NAV2: variants seen among roughly 807,000 people sequenced by gnomAD.
The protein encoded by NAV2 is helicase, APC down-regulated 1.
In NAV2, 54 loss-of-function variants were observed where a neutral mutation model predicts 223.2. The ratio of observed to expected loss-of-function variants is 0.24; its 90% CI spans 0.19 to 0.30. NAV2 has a LOEUF of 0.30. NAV2 is among the 10% of genes least tolerant of loss of function. The pLI is 1.00. For missense variants in NAV2, 2,806 were observed against 3,147.5 expected (o/e 0.89, Z 2.60); for synonymous variants, 1,279 against 1,239.3 (o/e 1.03, Z -0.67).
intron 1 of NAV2, 87 bp from the exon 2 acceptor site, chr11:19,832,397 G>T: frequency 1.1e-6 from 1 of 945,456 alleles, no homozygotes; most frequent in Non-Finnish European, 1.7e-6. Flanking sequence ...TGGGACAGTG[G>T]CCACTGTGCC....
At chr11:19,614,392 C>G (rs1393299995) in intron 1 of NAV2, among the ~76,000 whole-genome samples, 1 of 152,100 alleles carries the variant, frequency 6.6e-6, no homozygotes, top group Admixed American at 6.6e-5. Context: ...CACCCTTTCT[C>G]CCTTTCTCTC....
intron 6 of NAV2, among the ~76,000 whole-genome samples, chr11:19,909,130 C>T (rs1167395514): frequency 6.6e-6 from 1 of 152,160 alleles, no homozygotes; most frequent in African/African-American, 2.4e-5. Flanking sequence ...TAAATGTCTC[C>T]CCTTTCTTGG....
intron 20 of NAV2, among the ~76,000 whole-genome samples, chr11:20,064,678 T>C (rs890652764): frequency 1.3e-5 from 2 of 152,222 alleles, no homozygotes; most frequent in Admixed American, 1.3e-4. Flanking sequence ...GCTGTTGTTC[T>C]GGGTATGGGG....
intron 8 of NAV2, among the ~76,000 whole-genome samples, chr11:19,944,605 T>C (rs919781812): frequency 4.6e-5 from 7 of 151,076 alleles, no homozygotes; most frequent in African/African-American, 1.2e-4. Context: ...TCCTTTCCTT[T>C]CTTTCTTCTT....
intron 1 of NAV2, among the ~76,000 whole-genome samples, chr11:19,775,667 G>A (rs758235753): frequency 1.4e-4 from 22 of 152,186 alleles, no homozygotes; most frequent in Non-Finnish European, 2.4e-4. Context: ...AACAGTAATG[G>A]AGTGGAAGAG....
At chr11:20,018,708 G>A (rs1475568170) in intron 11 of NAV2, among the ~76,000 whole-genome samples, 2 of 152,186 alleles carry the variant, frequency 1.3e-5, no homozygotes. Context: ...CAGTACACCT[G>A]TGCTCGAGGA....
upstream of NAV2, among the ~76,000 whole-genome samples, chr11:19,707,928 A>G (rs951496243): frequency 6.6e-6 from 1 of 152,214 alleles, no homozygotes; most frequent in Non-Finnish European, 1.5e-5. Flanking sequence ...CCAAAACATC[A>G]TTATGCAGTG....
intron 1 of NAV2, among the ~76,000 whole-genome samples, chr11:19,762,198 G>C (rs975308116): frequency 2.6e-5 from 4 of 152,156 alleles, no homozygotes; most frequent in Admixed American, 2.6e-4. Context: ...AGCTGAGATT[G>C]CACCACTGCA....
At position 20,091,305 on chromosome 11, in the gene NAV2, C is replaced by T. The variant is rs147166734; in HGVS notation, c.5652+287C>T. On this transcript the variant is annotated intron_variant, in intron 27 of 37. Coordinates refer to ENST00000349880, the MANE Select transcript of NAV2 (RefSeq NM_145117.5). ...TGGCCTTCAAGGCCTTCTGCAGGGT[C>T]GTTTCCACTGTTAATCCACACCACC... Among the ~76,000 whole-genome samples, 496 of 152,268 alleles carry T rather than the reference C, an allele frequency of 3.3e-3. 6 individuals are homozygous for T. Among genetic ancestry groups the T allele is most frequent in the African/African-American group, 0.011 (472 of 41,548 alleles).
chr11:19,437,314 A>G (rs887341069), intron 1 of NAV2, among the ~76,000 whole-genome samples: 7 of 152,132 alleles, frequency 4.6e-5, no homozygotes, highest in African/African-American at 1.4e-4. Flanking sequence ...CCAAATGTAC[A>G]TGGTAATCTC....
At chr11:19,790,178 C>T (rs2057420915) in intron 1 of NAV2, among the ~76,000 whole-genome samples, 1 of 152,188 alleles carries the variant, frequency 6.6e-6, no homozygotes, top group South Asian at 2.1e-4. Context: ...GAGGAAGGGC[C>T]TGGTCAGTAA....
chr11:19,953,808 GA>G (rs1219420579), intron 10 of NAV2, among the ~76,000 whole-genome samples: 1 of 152,008 alleles, frequency 6.6e-6, no homozygotes, highest in Non-Finnish European at 1.5e-5. Context: ...GATAGAGCTT[GA>G]AAAGAACAGG....
At chr11:20,076,676 C>CA in intron 22 of NAV2, among the ~76,000 whole-genome samples, 1 of 152,330 alleles carries the variant, frequency 6.6e-6, no homozygotes, top group East Asian at 1.9e-4. Flanking sequence ...TGTTAGGGCA[C>CA]AAAGTTACCT....
chr11:20,054,489 C>G (rs1241049514), intron 18 of NAV2, among the ~76,000 whole-genome samples: 1 of 152,076 alleles, frequency 6.6e-6, no homozygotes, highest in Non-Finnish European at 1.5e-5. Flanking sequence ...AGATCGATTA[C>G]AGGGGATTGA....
chr11:19,969,980 C>T (rs2061456676), intron 10 of NAV2, among the ~76,000 whole-genome samples: 1 of 151,706 alleles, frequency 6.6e-6, no homozygotes, highest in Non-Finnish European at 1.5e-5. Context: ...AAGAAATTAA[C>T]AACAGTAACT....
At position 19,933,406 on chromosome 11, in the gene NAV2, C is replaced by T. The variant is rs1465381981; in HGVS notation, c.1162C>T (p.Pro388Ser). The T allele has an allele frequency of 1.3e-6, 2 of 1,582,714 alleles. No homozygotes were observed. The highest frequency in any genetic ancestry group is 1.7e-4 in the Middle Eastern group (1 of 5,862). The change falls in exon 7 of 38, where the codon CCT (proline) becomes TCT (serine). Residue 388 changes from proline (P) to serine (S), a missense_variant. Transcript: ENST00000349880. The surrounding 1 kb of genome is among the most constrained non-coding windows in gnomAD (Gnocchi z 4.3). ...TGGGCCTGAGGCCCCCAGGCCCACA[C>T]CTGAAGCCATGAAGCCGGCCCCCAA... Reference protein sequence around the residue: ...PPGPEAPRPTPEAMKPAPNNQ... With the variant: ...PPGPEAPRPTSEAMKPAPNNQ...
Position 19,593,637 on chromosome 11 carries a change from C to A in NAV2, c.76-238847C>A, listed in dbSNP as rs374095644. Among the ~76,000 whole-genome samples, 4 of 152,314 alleles carry A rather than the reference C, an allele frequency of 2.6e-5. No individual in the cohort carries two copies. In the South Asian group the frequency reaches 6.2e-4, roughly 24 times the overall value. ...GAAGTCAAACTCTTTCCGAGAGTGG[C>A]TGTACCATTTTACATTCCCACCAGC... On this transcript the variant is annotated intron_variant, in intron 1 of 37. Coordinates refer to the NAV2 transcript ENST00000360655.
Position 20,045,488 on chromosome 11 carries a change from C to T in NAV2, c.3720C>T (p.Ser1240=), listed in dbSNP as rs755427287. The T allele has an allele frequency of 6.2e-7, 1 of 1,614,062 alleles. No individual in the cohort carries two copies. The highest frequency in any genetic ancestry group is 1.3e-5 in the African/African-American group (1 of 74,924). ...LREPSKTALG[S]SLPGLVNQTD... is the part of the protein sequence containing the mutation. Reference sequence around the variant, plus strand: ...AGCCTTCCAAAACAGCCCTAGGCAGCTCTCTACCAGGTCTGGTCAACCAAA... The same window carrying T: ...AGCCTTCCAAAACAGCCCTAGGCAGTTCTCTACCAGGTCTGGTCAACCAAA... The change falls in exon 14 of 38, where the codon AGC becomes AGT. Residue 1240 remains serine (S), a synonymous_variant. Coordinates refer to ENST00000349880, the MANE Select transcript of NAV2 (RefSeq NM_145117.5).
intron 11 of NAV2, among the ~76,000 whole-genome samples, chr11:20,013,741 G>A (rs761447818): frequency 6.6e-6 from 1 of 152,170 alleles, no homozygotes; most frequent in Non-Finnish European, 1.5e-5. Context: ...CCCAGTAGGG[G>A]ACAGATGGAT....
Sources: allele counts gnomAD v4.1 joint callset (sites outside exome capture counted in the v4.1 genomes callset), GRCh38; gene constraint gnomAD v4.1.1; non-coding constraint Gnocchi (gnomAD v3.1); transcripts MANE v1.5; gene names NCBI Gene and HGNC (gene_info 2026-07-23, HGNC 2026-07-21).